Variants in USP13 observed in about 807,000 individuals in gnomAD.
USP13 encodes the protein ubiquitin carboxyl-terminal hydrolase 13.
USP13 carries 68 observed loss-of-function variants against 107.8 expected under a neutral mutation model. The ratio of observed to expected loss-of-function variants is 0.63; its 90% confidence interval spans 0.52 to 0.77. USP13 has a LOEUF of 0.77. Ranked by LOEUF, USP13 falls within the 30% of genes least tolerant of loss-of-function variation. USP13 has a pLI of 0.00. For missense variants in USP13, 945 were observed against 1,093.3 expected (o/e 0.86, Z 1.91); for synonymous variants, 377 against 389.5 (o/e 0.97, Z 0.38).
At chr3:179,755,508 G>T (rs1026327092) in intron 15 of USP13, among the ~76,000 whole-genome samples, 1 of 152,030 alleles carries the variant, frequency 6.6e-6, no homozygotes, top group Admixed American at 6.5e-5. Context: ...CCTTGTGAGC[G>T]AGGATGGTCT....
chr3:179,714,948 G>A (rs1429986240), intron 6 of USP13, among the ~76,000 whole-genome samples: 1 of 145,050 alleles, frequency 6.9e-6, no homozygotes, highest in Non-Finnish European at 1.5e-5. Flanking sequence ...ATGGCTTACT[G>A]CAGCCTCAAC....
At chr3:179,736,283 C>T (rs918887892) in intron 10 of USP13, among the ~76,000 whole-genome samples, 1 of 152,120 alleles carries the variant, frequency 6.6e-6, no homozygotes, top group South Asian at 2.1e-4. Context: ...TATAAGGTCG[C>T]TAGATCTGGA....
chr3:179,662,454 C>T (rs1357545023), intron 1 of USP13, among the ~76,000 whole-genome samples: 2 of 152,180 alleles, frequency 1.3e-5, no homozygotes, highest in East Asian at 1.9e-4. Flanking sequence ...GCTTTCCCTG[C>T]TGCTGGCCTA....
At chr3:179,670,076 C>A (rs979448080) in intron 1 of USP13, among the ~76,000 whole-genome samples, 5 of 152,180 alleles carry the variant, frequency 3.3e-5, no homozygotes, top group Admixed American at 6.5e-5. Context: ...AAAGCAGTAG[C>A]CAAGCCTTTT....
intron 1 of USP13, among the ~76,000 whole-genome samples, chr3:179,659,631 T>C (rs1054304999): frequency 2.0e-5 from 3 of 152,224 alleles, no homozygotes; most frequent in Non-Finnish European, 2.9e-5. Context: ...AACCCTATGT[T>C]ATATACTATT....
intron 8 of USP13, among the ~76,000 whole-genome samples, chr3:179,726,549 CT>C (rs1713521423): frequency 2.6e-5 from 4 of 152,172 alleles, no homozygotes; most frequent in Admixed American, 2.6e-4. Context: ...TTAGGATAAG[CT>C]TGCCAGGAGG....
intron 9 of USP13, 32 bp from the exon 10 acceptor site, chr3:179,730,584 C>T (rs755744956): frequency 1.3e-6 from 2 of 1,562,932 alleles, no homozygotes; most frequent in Non-Finnish European, 1.8e-6. Flanking sequence ...ACAACAATGA[C>T]CTTTTTGTTT....
Position 179,752,377 on chromosome 3 carries a change from G to A in USP13, c.1798+4G>A. Reference sequence around the variant, plus strand: ...GACTGGGTTCCCAAAAAATTTGGTAGGTATCTTTTGCGTGCTTTTGCTTAA... The same window carrying A: ...GACTGGGTTCCCAAAAAATTTGGTAAGTATCTTTTGCGTGCTTTTGCTTAA... On this transcript the variant is annotated splice_donor_region_variant and intron_variant, in intron 14 of 20. Coordinates refer to ENST00000263966, the MANE Select transcript of USP13 (RefSeq NM_003940.3). 6.2e-7 allele frequency: 1 copy of A among 1,610,364 alleles called. No homozygotes were observed. Among genetic ancestry groups the A allele is most frequent in the Non-Finnish European group, 8.5e-7 (1 of 1,176,700 alleles).
intron 20 of USP13, among the ~76,000 whole-genome samples, chr3:179,783,661 G>C (rs976956060): frequency 2.0e-5 from 3 of 152,156 alleles, no homozygotes; most frequent in Non-Finnish European, 4.4e-5. Flanking sequence ...ATGTTTGGAG[G>C]TTCCTGATAC....
intron 1 of USP13, 116 bp from the exon 2 acceptor site, chr3:179,681,762 G>T (rs1487364613): frequency 3.1e-5 from 42 of 1,338,266 alleles, no homozygotes; most frequent in Middle Eastern, 1.9e-4. Flanking sequence ...CAGGAGCCTC[G>T]GTGGCCCTTT....
chr3:179,763,137 A>G (rs375102305), intron 17 of USP13, among the ~76,000 whole-genome samples: 43 of 152,264 alleles, frequency 2.8e-4, no homozygotes, highest in African/African-American at 1.0e-3. Flanking sequence ...TCTATGAGAT[A>G]TATGATTTGT....
chr3:179,767,983 TGTC>T lies in USP13; in HGVS notation c.2413+2138_2413+2140del, dbSNP rs1297328270. 2.0e-5 allele frequency among the ~76,000 whole-genome samples: 3 copies of T among 152,224 alleles called. No individual in the cohort carries two copies. The East Asian group carries it at 5.8e-4, about 29-fold the overall frequency. On this transcript the variant is annotated intron_variant, in intron 19 of 20. Coordinates refer to ENST00000263966, the MANE Select transcript of USP13 (RefSeq NM_003940.3). ...GCCAACTGGATAAGAAAGGATGAGA[TGTC>T]GTTCTCCCAATTTCCATACTCATTT...
intron 6 of USP13, among the ~76,000 whole-genome samples, chr3:179,709,435 G>A (rs935937732): frequency 1.3e-5 from 2 of 152,188 alleles, no homozygotes; most frequent in Non-Finnish European, 2.9e-5. Context: ...GAGTTTTAAA[G>A]GATACTGTGC....
chr3:179,771,097 G>A (rs1488496140), intron 19 of USP13, among the ~76,000 whole-genome samples: 5 of 152,206 alleles, frequency 3.3e-5, no homozygotes, highest in South Asian at 4.1e-4. Flanking sequence ...CAGGCCTGCC[G>A]TGATTCAGGA....
chr3:179,654,366 AATTATTAAAAGTTCAATCCCGAGTCG>A (rs1480905135), intron 1 of USP13, among the ~76,000 whole-genome samples: 6 of 152,102 alleles, frequency 3.9e-5, no homozygotes, highest in Admixed American at 6.5e-5. Flanking sequence ...CGCAAGTATA[AATTATTAAAAGTTCAATCCCGAGTCG>A]TGACCTCGGA....
rs545893415 is a variant in USP13, at chr3:179,679,173, C to T, written c.169-2705C>T. Among the ~76,000 whole-genome samples, 3 of 151,694 alleles carry T rather than the reference C, an allele frequency of 2.0e-5. No individual in the cohort carries two copies. In the East Asian group the frequency reaches 5.8e-4, roughly 29 times the overall value. ...TAACAATCTTTATTGGAGTTTTAAA[C>T]AATTATTGGAATTTTAAACAATTTT... On this transcript the variant is annotated intron_variant, in intron 1 of 20. Transcript: ENST00000263966.
chr3:179,698,055 C>T (rs1010117332), intron 3 of USP13, among the ~76,000 whole-genome samples: 11 of 152,148 alleles, frequency 7.2e-5, no homozygotes, highest in African/African-American at 2.4e-4. Flanking sequence ...TTCCTGAAGT[C>T]CCCATTCACA....
chr3:179,766,399 G>T (rs1715176855), intron 19 of USP13, among the ~76,000 whole-genome samples: 1 of 152,160 alleles, frequency 6.6e-6, no homozygotes, highest in Admixed American at 6.5e-5. Flanking sequence ...GGCCAACTTT[G>T]ATTTTGTCTG....
intron 1 of USP13, among the ~76,000 whole-genome samples, chr3:179,664,895 C>T (rs1720542920): frequency 6.6e-6 from 1 of 152,058 alleles, no homozygotes; most frequent in Non-Finnish European, 1.5e-5. Context: ...CAAGATCAGC[C>T]TGGCCAACAT....
Sources: allele counts gnomAD v4.1 joint callset (sites outside exome capture counted in the v4.1 genomes callset), GRCh38; gene constraint gnomAD v4.1.1; transcripts MANE v1.5; gene names NCBI Gene and HGNC (gene_info 2026-07-23, HGNC 2026-07-21).